The following SNTG2 variants were observed in gnomAD, a reference collection of about 807,000 sequenced individuals.
SNTG2 encodes syntrophin gamma 2.
In SNTG2, 74 loss-of-function variants were observed where a neutral mutation model predicts 70.9. The ratio of observed to expected loss-of-function variants is 1.04; its 90% CI spans 0.86 to 1.27. SNTG2 has a LOEUF of 1.27. Ranked by LOEUF, SNTG2 falls within the 50% of genes most tolerant of loss-of-function variation. The pLI, the probability that SNTG2 is intolerant of heterozygous loss-of-function variation, is 0.00. For missense variants in SNTG2, 717 were observed against 690.7 expected, an observed-to-expected ratio of 1.04 and a Z score of -0.43; for synonymous variants, 278 against 273.8, an observed-to-expected ratio of 1.02 and a Z score of -0.15.
At chr2:1,100,814 T>G (rs1229789747) in intron 4 of SNTG2, among the ~76,000 whole-genome samples, 1 of 152,176 alleles carries the variant, frequency 6.6e-6, no homozygotes, top group Non-Finnish European at 1.5e-5. Flanking sequence ...AATAAGACAG[T>G]AAGGTTAGCC....
rs143767451 is a variant in SNTG2 at position 1,135,938 on chromosome 2, T to C, written c.326-1684T>C. Among the ~76,000 whole-genome samples, 437 of 152,316 alleles carry C rather than the reference T, an allele frequency of 2.9e-3. 2 individuals are homozygous for C. Among genetic ancestry groups the C allele is most frequent in the African/African-American group, 0.01 (430 of 41,574 alleles). ...TACTGTTAGACAAGCTGAAGCTTAGTTTCCCATGCGTCAGGTAGGTATTTG... is the reference window on the plus strand; with the variant it reads ...TACTGTTAGACAAGCTGAAGCTTAGCTTCCCATGCGTCAGGTAGGTATTTG... On this transcript the variant is annotated intron_variant, in intron 4 of 16. Transcript: ENST00000308624.
chr2:1,230,782 C>T (rs1400212855), intron 9 of SNTG2, among the ~76,000 whole-genome samples: 2 of 152,266 alleles, frequency 1.3e-5, no homozygotes, highest in Non-Finnish European at 2.9e-5. Context: ...GCACAAGCCC[C>T]CGCTACCTAC....
intron 16 of SNTG2, among the ~76,000 whole-genome samples, chr2:1,347,821 G>A (rs1265270038): frequency 1.3e-5 from 2 of 152,220 alleles, no homozygotes; most frequent in African/African-American, 4.8e-5. Flanking sequence ...GCCTGGGGCA[G>A]CTGTTTAAAG....
rs774463905 is a variant in SNTG2 at position 1,083,567 on chromosome 2, A to G, written c.122A>G (p.Tyr41Cys). 21 of 1,613,678 alleles carry G rather than the reference A, an allele frequency of 1.3e-5. No individual in the cohort carries two copies. Among genetic ancestry groups the G allele is most frequent in the Non-Finnish European group, 1.6e-5 (19 of 1,179,736 alleles). ...TATGATGAAGAGTCCGAAAATGCCT[A>G]TGACATCCGGCTGAAGCTGACGAAA... ...LLYDEESENA[Y>C]DIRLKLTKEV... The change falls in exon 2 of 17, where the codon TAT becomes TGT. Residue 41 changes from tyrosine to cysteine, a missense_variant. Tyr to Cys is a radical substitution (Grantham distance 194, BLOSUM62 -2). Transcript: ENST00000308624.
At chr2:1,293,335 T>C (rs1023853440) in intron 14 of SNTG2, among the ~76,000 whole-genome samples, 11 of 151,830 alleles carry the variant, frequency 7.2e-5, no homozygotes, top group African/African-American at 2.7e-4. Flanking sequence ...CTATATTGTT[T>C]TTCTATTTTG....
Position 1,310,718 on chromosome 2 carries a change from GT to G in SNTG2, c.1377+2133del, listed in dbSNP as rs1680942977. 3.3e-5 allele frequency among the ~76,000 whole-genome samples: 5 copies of G among 152,076 alleles called. No homozygotes were observed. The South Asian group carries it at 1.0e-3, about 31-fold the overall frequency. ...CGGAGCCTTTTCCCATTTCCCTGGC[GT>G]GGTCAATGCCAGGCACAGTCAGGCA... On this transcript the variant is annotated intron_variant, in intron 15 of 16. Transcript: ENST00000308624.
intron 4 of SNTG2, among the ~76,000 whole-genome samples, chr2:1,127,765 T>C (rs1205253104): frequency 6.6e-6 from 1 of 152,152 alleles, no homozygotes; most frequent in Non-Finnish European, 1.5e-5. Flanking sequence ...GCAAGTTCAT[T>C]GTTCGTACTT....
intron 14 of SNTG2, among the ~76,000 whole-genome samples, chr2:1,279,478 G>A (rs1167129913): frequency 6.6e-6 from 1 of 152,202 alleles, no homozygotes; most frequent in African/African-American, 2.4e-5. Flanking sequence ...AAGGGTCTCG[G>A]AATGTAACCT....
chr2:1,348,767 A>C (rs1660430007), intron 16 of SNTG2, among the ~76,000 whole-genome samples: 1 of 152,216 alleles, frequency 6.6e-6, no homozygotes, highest in Non-Finnish European at 1.5e-5. Flanking sequence ...ACTGAGAATA[A>C]ATTTCTTCAA....
chr2:1,295,587 GCAGGCAGGTGTCAC>G (rs1365945299), intron 14 of SNTG2, among the ~76,000 whole-genome samples: 2 of 151,052 alleles, frequency 1.3e-5, no homozygotes, highest in Non-Finnish European at 3.0e-5. Context: ...GGTGGGAGGG[GCAGGCAGGTGTCAC>G]CATCAATGGC....
At chr2:1,160,291 C>T (rs1225148923) in intron 6 of SNTG2, 1 of 152,142 alleles carries the variant, frequency 6.6e-6, no homozygotes, top group African/African-American at 2.4e-5. Flanking sequence ...GAAGAACACA[C>T]ACAATATCCC....
intron 12 of SNTG2, among the ~76,000 whole-genome samples, chr2:1,253,611 G>A (rs767632703): frequency 3.3e-5 from 5 of 152,166 alleles, no homozygotes; most frequent in African/African-American, 4.8e-5. Context: ...TTTTGATCTC[G>A]TTCAAGATGA....
At chr2:1,220,606 C>T (rs752456314) in intron 9 of SNTG2, among the ~76,000 whole-genome samples, 5 of 152,196 alleles carry the variant, frequency 3.3e-5, no homozygotes, top group Non-Finnish European at 7.3e-5. Flanking sequence ...TCTCATTACG[C>T]CATCTTTAAA....
intron 1 of SNTG2, among the ~76,000 whole-genome samples, chr2:954,605 C>A (rs6759670): frequency 0.76 from 115,560 of 152,106 alleles, 45,025 homozygotes; most frequent in African/African-American, 0.92. Context: ...CTAAAGTTCC[C>A]TGTAAAATTC....
In SNTG2 at chr2:1,121,611, A is replaced by C. The variant is rs546200013; in HGVS notation, c.326-16011A>C. On this transcript the variant is annotated intron_variant, in intron 4 of 16. Coordinates refer to ENST00000308624, the MANE Select transcript of SNTG2 (RefSeq NM_018968.4). ...GCTGGGGAGGCGTCAGAAGACTTAC[A>C]ATCATAGTAGAAGGTAAAGGGGAAG... Among the ~76,000 whole-genome samples, 15 of 152,300 alleles carry C rather than the reference A, an allele frequency of 9.8e-5. 2 individuals are homozygous for C. The highest frequency in any genetic ancestry group is 3.4e-4 in the African/African-American group (14 of 41,566).
At chr2:1,017,868 C>T (rs1659956094) in intron 1 of SNTG2, among the ~76,000 whole-genome samples, 1 of 152,130 alleles carries the variant, frequency 6.6e-6, no homozygotes, top group South Asian at 2.1e-4. Flanking sequence ...AGTGGGTGTT[C>T]TACAAATGCG....
At chr2:1,044,644 G>A (rs750671745) in intron 1 of SNTG2, among the ~76,000 whole-genome samples, 3 of 152,120 alleles carry the variant, frequency 2.0e-5, no homozygotes, top group Non-Finnish European at 4.4e-5. Context: ...TTATTGAGAT[G>A]ATAATATGTT....
At chr2:1,130,954 C>A (rs1667977137) in intron 4 of SNTG2, among the ~76,000 whole-genome samples, 1 of 152,144 alleles carries the variant, frequency 6.6e-6, no homozygotes, top group African/African-American at 2.4e-5. Context: ...ATAGTTTTGA[C>A]TAAATGGTAA....
At chr2:1,069,984 T>G (rs1663417904) in intron 1 of SNTG2, among the ~76,000 whole-genome samples, 1 of 151,974 alleles carries the variant, frequency 6.6e-6, no homozygotes, top group Non-Finnish European at 1.5e-5. Context: ...TGTTTCTCCC[T>G]CCAAGTCATT....
Sources: gnomAD v4.1 joint callset for allele counts (sites outside exome capture counted in the v4.1 genomes callset) on GRCh38, gnomAD v4.1.1 for gene constraint, MANE v1.5 for transcripts, NCBI Gene and HGNC (gene_info 2026-07-23, HGNC 2026-07-21) for gene names.